CAST: variants seen among roughly 807,000 people sequenced by gnomAD.
The protein encoded by CAST is MIR583 host.
In CAST, 76 loss-of-function variants were observed where a neutral mutation model predicts 119.6. The ratio of observed to expected loss-of-function variants is 0.64; its 90% CI spans 0.53 to 0.77. The LOEUF (loss-of-function observed/expected upper bound fraction) is 0.77. Ranked by LOEUF, CAST falls within the 30% of genes least tolerant of loss-of-function variation. The pLI is 0.00. For missense variants in CAST, 953 were observed against 946.5 expected, an observed-to-expected ratio of 1.01 and a Z score of -0.09; for synonymous variants, 319 against 331.6, an observed-to-expected ratio of 0.96 and a Z score of 0.41.
rs189547123 is a variant in CAST at position 96,588,388 on chromosome 5, G to T, written c.60+58508G>T. 3.4e-3 allele frequency among the ~76,000 whole-genome samples: 513 copies of T among 151,858 alleles called. 3 individuals are homozygous for T. Among genetic ancestry groups the T allele is most frequent in the Middle Eastern group, 0.01 (3 of 294 alleles). ...AGCTAATTTTTGTATTTTTAGTAGA[G>T]ATGGGGCTTCACCATGTTGGCCAGG... On this transcript the variant is annotated intron_variant, in intron 1 of 11. Transcript: ENST00000505143.
chr5:96,730,673 C>T, intron 8 of CAST, 107 bp from the exon 9 acceptor site: 1 of 787,316 alleles, frequency 1.3e-6, no homozygotes, highest in Non-Finnish European at 2.2e-6. Context: ...CTTATGGTGT[C>T]CGTGAGGGTG....
the CAST span, among the ~76,000 whole-genome samples, chr5:96,183,084 A>G: frequency 6.6e-6 from 1 of 151,730 alleles, no homozygotes; most frequent in East Asian, 1.9e-4. Flanking sequence ...GCTTGCAGTG[A>G]GCCGAGATCG....
the CAST span, among the ~76,000 whole-genome samples, chr5:96,124,823 A>T: frequency 6.6e-6 from 1 of 152,210 alleles, no homozygotes; most frequent in Admixed American, 6.6e-5. Flanking sequence ...TTTTTTACAG[A>T]ACTGAGGGTT....
chr5:96,088,969 A>G, the CAST span, among the ~76,000 whole-genome samples: 1 of 151,740 alleles, frequency 6.6e-6, no homozygotes, highest in Non-Finnish European at 1.5e-5. Flanking sequence ...GCTTGTTTTC[A>G]GGGATTTATT....
At chr5:96,161,023 C>G in the CAST span, among the ~76,000 whole-genome samples, 1 of 152,128 alleles carries the variant, frequency 6.6e-6, no homozygotes, top group Non-Finnish European at 1.5e-5. Flanking sequence ...CTTTGCAGAT[C>G]TATGATTTGC....
intron 3 of CAST, among the ~76,000 whole-genome samples, chr5:96,721,401 A>G (rs1758229267): frequency 6.6e-6 from 1 of 152,174 alleles, no homozygotes; most frequent in Non-Finnish European, 1.5e-5. Context: ...TTCATGGGCC[A>G]TAGACTATAG....
At chr5:96,013,444 A>G in the CAST span, among the ~76,000 whole-genome samples, 1 of 152,108 alleles carries the variant, frequency 6.6e-6, no homozygotes, top group African/African-American at 2.4e-5. Context: ...TCATAGCTGC[A>G]TAGTACTCCA....
the CAST span, among the ~76,000 whole-genome samples, chr5:96,425,018 A>T: frequency 0.037 from 2,403 of 64,854 alleles, 111 homozygotes; most frequent in African/African-American, 0.13. Context: ...AAAAGAAAGA[A>T]AGAAAGAAAG....
chr5:96,532,482 A>G (rs552358842), intron 1 of CAST, among the ~76,000 whole-genome samples: 1 of 152,300 alleles, frequency 6.6e-6, no homozygotes, highest in South Asian at 2.1e-4. Flanking sequence ...TGGGAGGCCA[A>G]GGCCGGAGGA....
At chr5:96,691,858 A>G (rs1243848966) in intron 2 of CAST, among the ~76,000 whole-genome samples, 1 of 152,206 alleles carries the variant, frequency 6.6e-6, no homozygotes, top group Non-Finnish European at 1.5e-5. Context: ...GTCTCAGGGT[A>G]AAACATGTGG....
At chr5:96,513,793 T>C in the CAST span, among the ~76,000 whole-genome samples, 2 of 152,188 alleles carry the variant, frequency 1.3e-5, no homozygotes, top group Non-Finnish European at 2.9e-5. Context: ...TACCACAAAC[T>C]GGGCAGCTTA....
chr5:96,079,241 TC>T, the CAST span: 1 of 397,796 alleles, frequency 2.5e-6, no homozygotes, highest in Admixed American at 3.8e-5. Flanking sequence ...TTCATTTCAC[TC>T]CCTACCCACA....
chr5:96,617,135 A>AT (rs1222387672), intron 1 of CAST, among the ~76,000 whole-genome samples: 1 of 152,062 alleles, frequency 6.6e-6, no homozygotes, highest in Non-Finnish European at 1.5e-5. Context: ...TCCCAAGTTG[A>AT]TTTTTTGTTA....
At chr5:96,481,053 T>C in the CAST span, among the ~76,000 whole-genome samples, 5 of 151,814 alleles carry the variant, frequency 3.3e-5, no homozygotes, top group Non-Finnish European at 5.9e-5. Flanking sequence ...CACACTCTTC[T>C]CAGGAGACAG....
intron 1 of CAST, among the ~76,000 whole-genome samples, chr5:96,663,412 C>G (rs75549795): frequency 2.3e-3 from 343 of 152,296 alleles, no homozygotes; most frequent in African/African-American, 8.1e-3. Flanking sequence ...TCTCTCGCCC[C>G]GATGTCAAGC....
the CAST span, among the ~76,000 whole-genome samples, chr5:96,144,473 T>C: frequency 6.6e-6 from 1 of 152,218 alleles, no homozygotes; most frequent in African/African-American, 2.4e-5. Flanking sequence ...CCGCTGCTAT[T>C]TACATGACTA....
At chr5:96,538,957 T>C (rs1281315058) in intron 1 of CAST, among the ~76,000 whole-genome samples, 2 of 152,174 alleles carry the variant, frequency 1.3e-5, no homozygotes, top group African/African-American at 2.4e-5. Flanking sequence ...TTGGTCAATA[T>C]GGTAGCAGCA....
At position 96,727,129 on chromosome 5, in the gene CAST, G is replaced by T. The variant is rs182983145; in HGVS notation, c.336+270G>T. 4.6e-5 allele frequency among the ~76,000 whole-genome samples: 7 copies of T among 152,314 alleles called. No individual in the cohort carries two copies. In the East Asian group the frequency reaches 1.3e-3, roughly 29 times the overall value. ...TTTCACTGATAAAAACACCGTGTTAGTGGCATGGAAACACAGTGCCCTTGG... is the reference window on the plus strand; with the variant it reads ...TTTCACTGATAAAAACACCGTGTTATTGGCATGGAAACACAGTGCCCTTGG... On this transcript the variant is annotated intron_variant, in intron 5 of 31. Transcript: ENST00000675179.
chr5:96,426,780 A>G, the CAST span, among the ~76,000 whole-genome samples: 5 of 152,310 alleles, frequency 3.3e-5, no homozygotes, highest in South Asian at 6.2e-4. Context: ...AATATTGTTA[A>G]TGTGAGAGTA....
Sources: gnomAD v4.1 joint callset for allele counts (sites outside exome capture counted in the v4.1 genomes callset) on GRCh38, gnomAD v4.1.1 for gene constraint, MANE v1.5 for transcripts, NCBI Gene and HGNC (gene_info 2026-07-23, HGNC 2026-07-21) for gene names.